CPQ: variants seen among roughly 807,000 people sequenced by gnomAD.
The protein encoded by CPQ is Ser-Met dipeptidase.
A neutral mutation model predicts 45.7 loss-of-function variants in CPQ; 37 were observed. That is an observed-to-expected ratio of 0.81 (90% confidence interval 0.62 to 1.07). The LOEUF is 1.07. Among genes scored for constraint, CPQ ranks in the 50% least tolerant of loss-of-function variants. The probability of loss-of-function intolerance (pLI) is 0.00; values close to 1 mark genes in which losing one functional copy is unlikely to be tolerated. For synonymous variants in CPQ, 186 were observed against 205.8 expected (o/e 0.90, Z 0.82); for missense variants, 537 against 572.9 (o/e 0.94, Z 0.64).
intron 1 of CPQ, among the ~76,000 whole-genome samples, chr8:96,737,377 T>TATA (rs1554561448): frequency 6.8e-6 from 1 of 147,356 alleles, no homozygotes; most frequent in Non-Finnish European, 1.5e-5. Flanking sequence ...TATGAGTTTA[T>TATA]TAAGTATTAA....
chr8:96,883,941 A>G (rs1021781216), intron 4 of CPQ, among the ~76,000 whole-genome samples: 1 of 152,204 alleles, frequency 6.6e-6, no homozygotes, highest in Non-Finnish European at 1.5e-5. Flanking sequence ...TTATTTTGGT[A>G]AAATGAAGGA....
intron 7 of CPQ, among the ~76,000 whole-genome samples, chr8:97,111,163 C>A (rs1811492760): frequency 6.6e-6 from 1 of 152,200 alleles, no homozygotes; most frequent in South Asian, 2.1e-4. Context: ...CTGGTCTAAT[C>A]ATTATTCCTT....
intron 1 of CPQ, among the ~76,000 whole-genome samples, chr8:96,685,384 G>A (rs181913571): frequency 6.6e-6 from 1 of 151,684 alleles, no homozygotes; most frequent in Non-Finnish European, 1.5e-5. Context: ...TCTTTAATCT[G>A]TCTCAGATTT....
chr8:96,937,767 C>G (rs2130318711), intron 4 of CPQ, among the ~76,000 whole-genome samples: 1 of 152,260 alleles, frequency 6.6e-6, no homozygotes, highest in South Asian at 2.1e-4. Flanking sequence ...TTTCTCCCTT[C>G]CCTCTTATTA....
At chr8:96,722,875 G>A (rs1294444812) in intron 1 of CPQ, among the ~76,000 whole-genome samples, 2 of 152,144 alleles carry the variant, frequency 1.3e-5, no homozygotes, top group East Asian at 1.9e-4. Context: ...CAATTCTTGG[G>A]ACTGAAAGTG....
At chr8:97,047,653 C>A (rs1315146730) in intron 6 of CPQ, among the ~76,000 whole-genome samples, 1 of 152,018 alleles carries the variant, frequency 6.6e-6, no homozygotes. Context: ...AAAAAATAAC[C>A]AACAACACTT....
chr8:97,112,659 G>A (rs373247239), intron 7 of CPQ, among the ~76,000 whole-genome samples: 4 of 152,338 alleles, frequency 2.6e-5, no homozygotes, highest in African/African-American at 9.6e-5. Flanking sequence ...GGGAATGAGG[G>A]CATCCCTTTT....
At chr8:96,883,274 T>C (rs1232215426) in intron 4 of CPQ, among the ~76,000 whole-genome samples, 1 of 152,194 alleles carries the variant, frequency 6.6e-6, no homozygotes, top group Non-Finnish European at 1.5e-5. Context: ...AATGTTTTCC[T>C]TTCTTCTGAG....
chr8:96,656,436 A>G (rs746449491), intron 1 of CPQ, among the ~76,000 whole-genome samples: 11 of 152,030 alleles, frequency 7.2e-5, no homozygotes, highest in Admixed American at 1.3e-4. Flanking sequence ...TTTTGGTTCA[A>G]CAGTTGAGCA....
At chr8:97,083,304 T>C (rs966984900) in intron 7 of CPQ, among the ~76,000 whole-genome samples, 2 of 152,146 alleles carry the variant, frequency 1.3e-5, no homozygotes, top group Non-Finnish European at 1.5e-5. Context: ...TTGGACCCAG[T>C]AGAGAGGATG....
At chr8:96,674,849 C>A (rs1034642251) in intron 1 of CPQ, among the ~76,000 whole-genome samples, 5 of 151,978 alleles carry the variant, frequency 3.3e-5, no homozygotes, top group African/African-American at 1.2e-4. Context: ...TGCTTAAGAA[C>A]AAAAATGATT....
chr8:96,809,400 C>G (rs1032785228), intron 2 of CPQ, among the ~76,000 whole-genome samples: 7 of 152,078 alleles, frequency 4.6e-5, no homozygotes, highest in Non-Finnish European at 1.0e-4. Flanking sequence ...TGGAACACTA[C>G]CCAGCAATAA....
intron 4 of CPQ, among the ~76,000 whole-genome samples, chr8:96,940,375 C>A (rs760877573): frequency 2.0e-5 from 3 of 152,136 alleles, no homozygotes; most frequent in Non-Finnish European, 4.4e-5. Context: ...TTTCTTTTTA[C>A]CAAATTTGAC....
intron 7 of CPQ, among the ~76,000 whole-genome samples, chr8:97,074,366 A>T (rs368844684): frequency 3.9e-5 from 6 of 152,242 alleles, no homozygotes; most frequent in African/African-American, 1.4e-4. Context: ...AGTTTTTGGT[A>T]TAGTACCAAG....
At chr8:96,809,713 T>C (rs983923175) in intron 2 of CPQ, among the ~76,000 whole-genome samples, 4 of 152,082 alleles carry the variant, frequency 2.6e-5, no homozygotes, top group Non-Finnish European at 5.9e-5. Context: ...AATTGTATAC[T>C]GAAAAATTGA....
intron 3 of CPQ, among the ~76,000 whole-genome samples, chr8:96,869,858 G>A (rs1189432438): frequency 2.6e-5 from 4 of 151,936 alleles, no homozygotes; most frequent in Admixed American, 2.6e-4. Context: ...GAAAATAAAG[G>A]TCAAAGAGGT....
At chr8:96,919,539 A>G (rs1421082033) in intron 4 of CPQ, among the ~76,000 whole-genome samples, 1 of 152,114 alleles carries the variant, frequency 6.6e-6, no homozygotes, top group Non-Finnish European at 1.5e-5. Context: ...CTCAGGTACC[A>G]TCTGAGAAGT....
intron 1 of CPQ, among the ~76,000 whole-genome samples, chr8:96,676,692 A>C (rs932553382): frequency 3.9e-5 from 6 of 151,976 alleles, no homozygotes; most frequent in Non-Finnish European, 7.4e-5. Flanking sequence ...TTTTTATTTC[A>C]ATAGTTTTTG....
intron 3 of CPQ, among the ~76,000 whole-genome samples, chr8:96,878,196 G>C (rs1169333413): frequency 6.6e-6 from 1 of 151,996 alleles, no homozygotes; most frequent in African/African-American, 2.4e-5. Context: ...TTGATATCTT[G>C]ACCTCATGAT....
Sources: gnomAD v4.1 joint callset for allele counts (sites outside exome capture counted in the v4.1 genomes callset) on GRCh38, gnomAD v4.1.1 for gene constraint, MANE v1.5 for transcripts, NCBI Gene and HGNC (gene_info 2026-07-23, HGNC 2026-07-21) for gene names.